Variants in PAPPA observed in about 807,000 individuals in gnomAD.
PAPPA encodes the protein pappalysin-1.
A neutral mutation model predicts 164.0 loss-of-function variants in PAPPA; 60 were observed. The observed-to-expected ratio is 0.37, with a 90% CI of 0.30 to 0.45. The LOEUF (loss-of-function observed/expected upper bound fraction) is 0.45. PAPPA is among the 20% of genes least tolerant of loss of function. The pLI is 1.00. For synonymous variants in PAPPA, 875 were observed against 814.1 expected (o/e 1.07, Z -1.27); for missense variants, 1,782 against 2,087.3 (o/e 0.85, Z 2.85).
At chr9:116,155,068 G>A (rs1456233250) in intron 1 of PAPPA, among the ~76,000 whole-genome samples, 1 of 152,192 alleles carries the variant, frequency 6.6e-6, no homozygotes, top group Non-Finnish European at 1.5e-5. Context: ...TGTTGTAATG[G>A]CCAGGACTTA....
intron 7 of PAPPA, among the ~76,000 whole-genome samples, chr9:116,263,409 C>A (rs1201647411): frequency 1.3e-5 from 2 of 152,186 alleles, no homozygotes; most frequent in East Asian, 1.9e-4. Context: ...CAAGCCACGG[C>A]ACACATGGTA....
intron 9 of PAPPA, among the ~76,000 whole-genome samples, chr9:116,301,320 G>A (rs1845576892): frequency 6.6e-6 from 1 of 152,162 alleles, no homozygotes; most frequent in African/African-American, 2.4e-5. Flanking sequence ...ATTTCAAGGA[G>A]CTCAGAATCT....
At chr9:116,331,204 CT>C (rs1467533525) in intron 10 of PAPPA, 39 bp from the exon 11 acceptor site, 38 of 1,255,834 alleles carry the variant, frequency 3.0e-5, no homozygotes, top group Non-Finnish European at 4.4e-5. Flanking sequence ...ACTTCTGACA[CT>C]CTCTAAAACA....
intron 2 of PAPPA, among the ~76,000 whole-genome samples, chr9:116,202,448 A>G (rs1844182302): frequency 6.6e-6 from 1 of 152,118 alleles, no homozygotes; most frequent in African/African-American, 2.4e-5. Context: ...CATGGCTTTG[A>G]AATGCAGTTC....
intron 5 of PAPPA, among the ~76,000 whole-genome samples, chr9:116,220,599 A>G (rs368489980): frequency 4.0e-5 from 6 of 151,830 alleles, no homozygotes; most frequent in South Asian, 2.1e-4. Context: ...ATAAGAATAC[A>G]TATACAAGGC....
At chr9:116,346,509 T>G (rs1361386890) in intron 14 of PAPPA, among the ~76,000 whole-genome samples, 1 of 152,148 alleles carries the variant, frequency 6.6e-6, no homozygotes, top group African/African-American at 2.4e-5. Flanking sequence ...CATGGAGGTC[T>G]CCTATAGCCA....
chr9:116,267,342 T>C (rs75689303), intron 8 of PAPPA, among the ~76,000 whole-genome samples: 1,756 of 152,384 alleles, frequency 0.012, 16 homozygotes, highest in Admixed American at 0.022. Context: ...AGCTGGCATA[T>C]AAATACTCAT....
chr9:116,292,230 C>T (rs1845445548), intron 9 of PAPPA, among the ~76,000 whole-genome samples: 2 of 152,120 alleles, frequency 1.3e-5, no homozygotes, highest in African/African-American at 4.8e-5. Context: ...GATGTTAAGC[C>T]ATTGAGGAGT....
intron 18 of PAPPA, among the ~76,000 whole-genome samples, chr9:116,363,041 C>T (rs1234681882): frequency 6.6e-6 from 1 of 152,164 alleles, no homozygotes; most frequent in African/African-American, 2.4e-5. Context: ...TTTGAAAAAG[C>T]TTGTCGGGGA....
intron 3 of PAPPA, among the ~76,000 whole-genome samples, chr9:116,211,309 T>C (rs1844303975): frequency 6.6e-6 from 1 of 152,154 alleles, no homozygotes; most frequent in African/African-American, 2.4e-5. Flanking sequence ...AGCAGAAAGG[T>C]TTACTGGCCC....
intron 7 of PAPPA, among the ~76,000 whole-genome samples, chr9:116,260,928 GT>G (rs1844993853): frequency 6.6e-6 from 1 of 152,160 alleles, no homozygotes; most frequent in African/African-American, 2.4e-5. Context: ...CCAAAACAAA[GT>G]CTTTTGATTT....
intron 1 of PAPPA, among the ~76,000 whole-genome samples, chr9:116,171,514 C>T (rs1385565290): frequency 1.4e-5 from 2 of 145,144 alleles, no homozygotes; most frequent in African/African-American, 5.0e-5. Context: ...ACTCTGTCCA[C>T]CCTTACAAAG....
chr9:116,307,294 A>C (rs759556772), intron 10 of PAPPA, among the ~76,000 whole-genome samples: 8 of 152,230 alleles, frequency 5.3e-5, no homozygotes, highest in Middle Eastern at 6.8e-3. Context: ...ATAATACTTC[A>C]TGCCTCTACT....
At chr9:116,203,040 G>C (rs1312911252) in intron 2 of PAPPA, among the ~76,000 whole-genome samples, 3 of 152,164 alleles carry the variant, frequency 2.0e-5, no homozygotes, top group African/African-American at 4.8e-5. Context: ...GAAGTGGTCA[G>C]ATATTCAGGC....
chr9:116,299,651 G>A (rs1291809304), intron 9 of PAPPA, among the ~76,000 whole-genome samples: 1 of 152,070 alleles, frequency 6.6e-6, no homozygotes, highest in Non-Finnish European at 1.5e-5. Flanking sequence ...GGTTGTTTTC[G>A]TCATTCTGTA....
At chr9:116,227,201 G>T (rs1455046081) in intron 5 of PAPPA, among the ~76,000 whole-genome samples, 1 of 152,208 alleles carries the variant, frequency 6.6e-6, no homozygotes, top group Non-Finnish European at 1.5e-5. Context: ...TCAGAGAAAT[G>T]TATGCATCAT....
At chr9:116,314,450 A>G (rs1845762338) in intron 10 of PAPPA, among the ~76,000 whole-genome samples, 1 of 152,008 alleles carries the variant, frequency 6.6e-6, no homozygotes, top group Non-Finnish European at 1.5e-5. Context: ...CAATGTCTTA[A>G]ATTTTTTAAG....
At chr9:116,355,569 G>A (rs773626783) in intron 17 of PAPPA, among the ~76,000 whole-genome samples, 1 of 152,154 alleles carries the variant, frequency 6.6e-6, no homozygotes. Flanking sequence ...AGATTACCAC[G>A]GCCTCTTGCA....
At chr9:116,179,394 G>A in intron 1 of PAPPA, among the ~76,000 whole-genome samples, 1 of 152,180 alleles carries the variant, frequency 6.6e-6, no homozygotes, top group East Asian at 1.9e-4. Flanking sequence ...CAACACATGG[G>A]AAACACCTGA....
Sources: allele counts gnomAD v4.1 joint callset (sites outside exome capture counted in the v4.1 genomes callset), GRCh38; gene constraint gnomAD v4.1.1; transcripts MANE v1.5; gene names NCBI Gene and HGNC (gene_info 2026-07-23, HGNC 2026-07-21).